Variants in PIANP observed in about 807,000 individuals in gnomAD.
PIANP encodes the protein PILR alpha-associated neural protein.
Under a neutral mutation model 28.9 loss-of-function variants are expected in PIANP, and 14 were observed. The observed-to-expected ratio is 0.49, with a 90% CI of 0.32 to 0.76. PIANP has a LOEUF of 0.76. Among genes scored for constraint, PIANP ranks in the 30% least tolerant of loss-of-function variants. PIANP has a pLI of 0.03. For synonymous variants in PIANP, 149 were observed against 156.6 expected, an observed-to-expected ratio of 0.95 and a Z score of 0.36; for missense variants, 322 against 371.8, an observed-to-expected ratio of 0.87 and a Z score of 1.10.
intron 1 of PIANP, among the ~76,000 whole-genome samples, chr12:6,699,465 AAGAG>A (rs1261560987): frequency 2.0e-5 from 3 of 152,008 alleles, no homozygotes; most frequent in Non-Finnish European, 4.4e-5. Context: ...AGTCCTGAAA[AAGAG>A]AGAACTGGGA....
At chr12:6,699,240 GACTCAAAAA>G (rs1162845520) in intron 1 of PIANP, among the ~76,000 whole-genome samples, 2 of 151,992 alleles carry the variant, frequency 1.3e-5, no homozygotes, top group African/African-American at 2.4e-5. Context: ...GCGAGACTCC[GACTCAAAAA>G]ATAAAATAAA....
chr12:6,697,421 T>C lies in PIANP; in HGVS notation c.389A>G (p.Tyr130Cys). The C allele has an allele frequency of 1.2e-6, 2 of 1,614,012 alleles. No individual in the cohort carries two copies. Among genetic ancestry groups the C allele is most frequent in the Non-Finnish European group, 1.7e-6 (2 of 1,179,880 alleles). Residue 130 changes from tyrosine to cysteine, a missense_variant, in exon 3 of 5, where the codon TAT becomes TGT. By Grantham distance (194) the Tyr-to-Cys change is radical (BLOSUM62 -2). Coordinates refer to ENST00000534837, the MANE Select transcript of PIANP (RefSeq NM_001244014.2). This position sits in a 1 kb window ranked among gnomAD's most constrained non-coding sequence, Gnocchi z 6.9. ...PNSANPGFLDYGFAAPHGLAT... is the reference protein window; with the variant it reads ...PNSANPGFLDCGFAAPHGLAT... ...GAGCCCATGAGGGGCTGCAAAACCA[T>C]AGTCCAGAAATCCGGGATTGGCAGA...
rs571318996 is a variant in PIANP at position 6,697,503 on chromosome 12, G to A, written c.307C>T (p.Pro103Ser). ...GTGGGACCCCACACGATAGCCCAGG[G>A]GTATTGGGATGAGGGCGGCCCCTCC... ...FEEGPPSSQY[P>S]WAIVWGPTVS... The change falls in exon 3 of 5, where the codon CCC becomes TCC. Residue 103 changes from proline (P) to serine (S), a missense_variant. By Grantham distance (74) the Pro-to-Ser change is moderately conservative. Transcript: ENST00000534837. The surrounding 1 kb of genome is among the most constrained non-coding windows in gnomAD (Gnocchi z 6.9). The A allele has an allele frequency of 6.2e-7, 1 of 1,613,626 alleles. No homozygotes were observed. Among genetic ancestry groups the A allele is most frequent in the African/African-American group, 1.3e-5 (1 of 75,060 alleles).
chr12:6,696,374 T>A lies in PIANP; in HGVS notation c.605+69A>T. 16 of 1,161,956 alleles carry A rather than the reference T, an allele frequency of 1.4e-5. No homozygotes were observed. Among genetic ancestry groups the A allele is most frequent in the East Asian group, 3.0e-5 (1 of 33,788 alleles). The allele number at this position is 1,161,956 out of a possible 1,614,324, so 72.0% of individuals were successfully genotyped here. ...CCAGCAAAATTGCTGCCACTGCCCCTCGTGGTTAGAGCCTCGACTGCCAAA... is the reference window on the plus strand; with the variant it reads ...CCAGCAAAATTGCTGCCACTGCCCCACGTGGTTAGAGCCTCGACTGCCAAA... On this transcript the variant is annotated intron_variant, in intron 4 of 4. Coordinates refer to ENST00000534837, the MANE Select transcript of PIANP (RefSeq NM_001244014.2). This position sits in a 1 kb window ranked among gnomAD's most constrained non-coding sequence, Gnocchi z 4.0.
chr12:6,697,595 CGAG>C lies in PIANP; in HGVS notation c.212_214del (p.Pro71del). 5 of 1,580,160 alleles carry C rather than the reference CGAG, an allele frequency of 3.2e-6. No homozygotes were observed. The highest frequency in any genetic ancestry group is 1.1e-5 in the South Asian group (1 of 86,970). On this transcript the variant is annotated inframe_deletion, in exon 3 of 5. Transcript: ENST00000534837. This position sits in a 1 kb window ranked among gnomAD's most constrained non-coding sequence, Gnocchi z 6.9. ...GACTTGCCGACGTGATCTTGGGACC[CGAG>C]GAGATCGGCTTGGTGGAGGTGCTCG...
intron 1 of PIANP, chr12:6,698,493 G>C (rs1300431415): frequency 4.0e-6 from 1 of 250,096 alleles, no homozygotes; most frequent in African/African-American, 2.3e-5. Flanking sequence ...GGGAGGGATG[G>C]GGAAGTCAAT....
Position 6,700,163 on chromosome 12 carries a change from TG to T in PIANP, c.-44+450del, listed in dbSNP as rs1341615855. 1.3e-5 allele frequency: 2 copies of T among 151,604 alleles called. No individual in the cohort carries two copies. The highest frequency in any genetic ancestry group is 4.9e-5 in the African/African-American group (2 of 41,198). 9.4% of individuals were successfully genotyped at this position (151,604 alleles called of 1,614,324 possible). A position where few individuals can be genotyped will look rare whatever the true frequency, so the allele number is the denominator to read the frequency against. On this transcript the variant is annotated intron_variant, in intron 1 of 4. Transcript: ENST00000534837. The surrounding 1 kb of genome is among the most constrained non-coding windows in gnomAD (Gnocchi z 5.5). ...TTGTGCGCAGGAGACGAGCTGGGGG[TG>T]GGGCAGGAGCCTCGGGGTGCGGGAG... is the stretch of plus-strand genomic sequence containing the variant.
chr12:6,696,460 G>A lies in PIANP; in HGVS notation c.588C>T (p.Gly196=). The A allele has an allele frequency of 6.2e-7, 1 of 1,600,452 alleles. No individual in the cohort carries two copies. Among genetic ancestry groups the A allele is most frequent in the Non-Finnish European group, 8.5e-7 (1 of 1,173,924 alleles). Residue 196 remains glycine, a synonymous_variant, in exon 4 of 5, where the codon GGC becomes GGT. Coordinates refer to ENST00000534837, the MANE Select transcript of PIANP (RefSeq NM_001244014.2). The surrounding 1 kb of genome is among the most constrained non-coding windows in gnomAD (Gnocchi z 4.0). The part of the protein sequence containing the change: ...ISIIIVLVAT[G]IIFKFCWDRS... ...CAGCTTACCAGAACTTGAAGATGAT[G>A]CCAGTGGCCACGAGAACAATGATGA... is the stretch of plus-strand genomic sequence containing the variant.
intron 1 of PIANP, among the ~76,000 whole-genome samples, chr12:6,699,661 T>G (rs1216946805): frequency 3.4e-4 from 37 of 108,376 alleles, no homozygotes; most frequent in African/African-American, 5.2e-4. Context: ...GAGTGGAGAG[T>G]AAGGGGATGG....
Position 6,697,374 on chromosome 12 carries a change from C to T in PIANP, c.436G>A (p.Asp146Asn), listed in dbSNP as rs764220911. Residue 146 changes from aspartate (D) to asparagine (N), a missense_variant, in exon 3 of 5, where the codon GAC (aspartate) becomes AAC (asparagine). Transcript: ENST00000534837. The surrounding 1 kb of genome is among the most constrained non-coding windows in gnomAD (Gnocchi z 6.9). ...CCATCTCCATCACCTCGCATGGAGT[C>T]TGAGTTGGGGTGTGGGGTTGCGAGC... ...HGLATPHPNS[D>N]SMRGDGDGLI... 3 of 1,614,070 alleles carry T rather than the reference C, an allele frequency of 1.9e-6. No individual in the cohort carries two copies. Among genetic ancestry groups the T allele is most frequent in the Non-Finnish European group, 2.5e-6 (3 of 1,179,902 alleles).
intron 1 of PIANP, 26 bp from the exon 2 acceptor site, chr12:6,698,130 C>T: frequency 1.3e-6 from 2 of 1,504,722 alleles, no homozygotes; most frequent in Non-Finnish European, 1.8e-6. Flanking sequence ...GGCCGTCACA[C>T]CCCAGCCCTG....
At position 6,700,574 on chromosome 12, in the gene PIANP, G is replaced by C. The variant is rs7134762; in HGVS notation, c.-44+40C>G. The C allele has an allele frequency of 7.0e-3, 1,072 of 153,094 alleles. 15 individuals carry two copies. The highest frequency in any genetic ancestry group is 0.024 in the African/African-American group (1,005 of 41,564). 9.5% of individuals were successfully genotyped at this position (153,094 alleles called of 1,614,324 possible). Reference sequence around the variant, plus strand: ...GCGGAGCCGGGAAGGGCAGGGCCGGGCTCCCCGCGGGTGGGGGCGTGGGGG... The same window carrying C: ...GCGGAGCCGGGAAGGGCAGGGCCGGCCTCCCCGCGGGTGGGGGCGTGGGGG... On this transcript the variant is annotated intron_variant, in intron 1 of 4. Coordinates refer to ENST00000534837, the MANE Select transcript of PIANP (RefSeq NM_001244014.2). The surrounding 1 kb of genome is among the most constrained non-coding windows in gnomAD (Gnocchi z 5.5).
chr12:6,698,115 A>C lies in PIANP; in HGVS notation c.-43-11T>G, dbSNP rs1055487084. 5.3e-5 allele frequency: 82 copies of C among 1,546,332 alleles called. 2 individuals carry two copies. The South Asian group carries it at 9.6e-4, about 18-fold the overall frequency. ...GATTTTCAGCCTTTACTGGGAGAAA[A>C]AGGGGGCCGTCACACCCCAGCCCTG... On this transcript the variant is annotated splice_polypyrimidine_tract_variant and intron_variant, in intron 1 of 4. Coordinates refer to ENST00000534837, the MANE Select transcript of PIANP (RefSeq NM_001244014.2).
chr12:6,696,755 A>G lies in PIANP; in HGVS notation c.524-231T>C, dbSNP rs927383649. Among the ~76,000 whole-genome samples the G allele has an allele frequency of 6.6e-6, 1 of 152,078 alleles. No individual in the cohort carries two copies. The highest frequency in any genetic ancestry group is 1.9e-4 in the East Asian group (1 of 5,190). On this transcript the variant is annotated intron_variant, in intron 3 of 4. Coordinates refer to ENST00000534837, the MANE Select transcript of PIANP (RefSeq NM_001244014.2). This position sits in a 1 kb window ranked among gnomAD's most constrained non-coding sequence, Gnocchi z 4.0. ...ATGTATTTCACCAAATCTTATGTGT[A>G]TATGTGATGAGGATGAGGCCCCATG...
chr12:6,699,524 G>T (rs540176736), intron 1 of PIANP, among the ~76,000 whole-genome samples: 2 of 151,986 alleles, frequency 1.3e-5, no homozygotes, highest in Non-Finnish European at 2.9e-5. Flanking sequence ...TGTGGAGGAT[G>T]CCGAAGGGAG....
In PIANP at chr12:6,697,255, C is replaced by T. The variant is rs1256208159; in HGVS notation, c.523+32G>A. On this transcript the variant is annotated intron_variant, in intron 3 of 4. Transcript: ENST00000534837. This position sits in a 1 kb window ranked among gnomAD's most constrained non-coding sequence, Gnocchi z 6.9. The stretch of plus-strand genomic sequence containing the variant: ...TGGTGTCTTCACCCAGCCTCCCCAT[C>T]CGTCATATCCCTCCCAGCCTTTCCC... 5 of 1,604,462 alleles carry T rather than the reference C, an allele frequency of 3.1e-6. No homozygotes were observed.
rs1291660682 is a variant in PIANP, at chr12:6,695,937, C to G, written c.606-286G>C. Among the ~76,000 whole-genome samples, 1 of 152,154 alleles carries G rather than the reference C, an allele frequency of 6.6e-6. No homozygotes were observed. Among genetic ancestry groups the G allele is most frequent in the Non-Finnish European group, 1.5e-5 (1 of 68,032 alleles). ...CCCCACCACCACAATGTCCTCTCCC[C>G]TACATGCCCAGAAGAGTCATTTCTG... is the stretch of plus-strand genomic sequence containing the variant. On this transcript the variant is annotated intron_variant, in intron 4 of 4. Coordinates refer to ENST00000534837, the MANE Select transcript of PIANP (RefSeq NM_001244014.2). This position sits in a 1 kb window ranked among gnomAD's most constrained non-coding sequence, Gnocchi z 4.2.
Position 6,695,493 on chromosome 12 carries a change from G to A in PIANP, c.764C>T (p.Pro255Leu), listed in dbSNP as rs1481232059. The A allele has an allele frequency of 3.9e-6, 6 of 1,537,822 alleles. No homozygotes were observed. Among genetic ancestry groups the A allele is most frequent in the South Asian group, 1.3e-5 (1 of 79,104 alleles). ...SPTPTPDHEE[P>L]RGGPRPGMPH... ...CATCCCAGGCCGGGGTCCCCCTCGG[G>A]GCTCCTCATGGTCAGGGGTGGGGGT... is the stretch of plus-strand genomic sequence containing the variant. Residue 255 changes from proline to leucine, a missense_variant, in exon 5 of 5, where the codon CCC becomes CTC. Coordinates refer to ENST00000534837, the MANE Select transcript of PIANP (RefSeq NM_001244014.2). This position sits in a 1 kb window ranked among gnomAD's most constrained non-coding sequence, Gnocchi z 4.2.
chr12:6,694,886 G>T lies in PIANP; in HGVS notation c.*540C>A, dbSNP rs770850868. 45 of 949,196 alleles carry T rather than the reference G, an allele frequency of 4.7e-5. No homozygotes were observed. Among genetic ancestry groups the T allele is most frequent in the Non-Finnish European group, 6.7e-5 (45 of 669,430 alleles). 58.8% of individuals were successfully genotyped at this position (949,196 alleles called of 1,614,324 possible). Reference sequence around the variant, plus strand: ...AGGGCGAGCAGATAGGATTGCCCGTGGGGCTGGGGAGTGTTCCGGGTGGTG... The same window carrying T: ...AGGGCGAGCAGATAGGATTGCCCGTTGGGCTGGGGAGTGTTCCGGGTGGTG... On this transcript the variant is annotated 3_prime_UTR_variant, in exon 5 of 5. Transcript: ENST00000534837. This position sits in a 1 kb window ranked among gnomAD's most constrained non-coding sequence, Gnocchi z 6.1.
Sources: allele counts gnomAD v4.1 joint callset (sites outside exome capture counted in the v4.1 genomes callset), GRCh38; gene constraint gnomAD v4.1.1; non-coding constraint Gnocchi (gnomAD v3.1); transcripts MANE v1.5; gene names NCBI Gene and HGNC (gene_info 2026-07-23, HGNC 2026-07-21).